CD226: variants seen among roughly 807,000 people sequenced by gnomAD.
The protein encoded by CD226 is CD226 molecule.
Under a neutral mutation model 34.9 loss-of-function variants are expected in CD226, and 24 were observed. That is an observed-to-expected ratio of 0.69 (90% confidence interval 0.50 to 0.97). The LOEUF is 0.97. Ranked by LOEUF, CD226 falls within the 50% of genes least tolerant of loss-of-function variation. CD226 has a pLI of 0.00. For synonymous variants in CD226, 148 were observed against 147.4 expected, an observed-to-expected ratio of 1.00 and a Z score of -0.03; for missense variants, 397 against 412.7, an observed-to-expected ratio of 0.96 and a Z score of 0.33.
chr18:69,895,409 C>A (rs1470004574), intron 3 of CD226, among the ~76,000 whole-genome samples: 1 of 152,112 alleles, frequency 6.6e-6, no homozygotes, highest in Non-Finnish European at 1.5e-5. Flanking sequence ...AACCTGAAGG[C>A]TGGTAATACC....
chr18:69,905,956 A>G (rs2055247887), intron 2 of CD226, among the ~76,000 whole-genome samples: 1 of 152,234 alleles, frequency 6.6e-6, no homozygotes. Context: ...TAGGACTCCA[A>G]ACTTAAGCTG....
chr18:69,891,834 A>G (rs1488300720), intron 3 of CD226, among the ~76,000 whole-genome samples: 1 of 152,230 alleles, frequency 6.6e-6, no homozygotes, highest in Non-Finnish European at 1.5e-5. Context: ...TTCTTTCATG[A>G]TTATTGTTTT....
chr18:69,903,088 G>A (rs897634983), intron 2 of CD226, among the ~76,000 whole-genome samples: 1 of 152,184 alleles, frequency 6.6e-6, no homozygotes, highest in Non-Finnish European at 1.5e-5. Flanking sequence ...AGTCCAGAAA[G>A]TGGAAAAATG....
At position 69,873,255 on chromosome 18, in the gene CD226, G is replaced by GA. The variant is rs760517403; in HGVS notation, c.728-10dup. On this transcript the variant is annotated splice_polypyrimidine_tract_variant and intron_variant, in intron 3 of 5. Transcript: ENST00000582621. The stretch of plus-strand genomic sequence containing the variant: ...TTGGTTATCGGTTTTACCTAGGAGA[G>GA]AAAAAAAATATTGTAGGAATTAGGA... 53 of 1,417,138 alleles carry GA rather than the reference G, an allele frequency of 3.7e-5. No homozygotes were observed. Among genetic ancestry groups the GA allele is most frequent in the Admixed American group, 9.2e-5 (5 of 54,080 alleles). The allele number at this position is 1,417,138 out of a possible 1,614,324, so 87.8% of individuals were successfully genotyped here.
At chr18:69,936,501 C>T (rs1387726596) in intron 2 of CD226, among the ~76,000 whole-genome samples, 2 of 152,130 alleles carry the variant, frequency 1.3e-5, no homozygotes, top group Non-Finnish European at 2.9e-5. Context: ...TATTTCATTA[C>T]GGAGTGAGAT....
intron 2 of CD226, among the ~76,000 whole-genome samples, chr18:69,944,833 C>T (rs1011265013): frequency 1.3e-5 from 2 of 152,184 alleles, no homozygotes; most frequent in Non-Finnish European, 2.9e-5. Context: ...GAAACAGAGT[C>T]TTTAATAAAT....
At chr18:69,892,602 G>A (rs958602981) in intron 3 of CD226, among the ~76,000 whole-genome samples, 7 of 152,196 alleles carry the variant, frequency 4.6e-5, no homozygotes, top group Non-Finnish European at 1.0e-4. Flanking sequence ...TGTGAGTTCA[G>A]TTCTTGCTTC....
chr18:69,870,272 C>G (rs1375746843), intron 4 of CD226, among the ~76,000 whole-genome samples: 2 of 124,102 alleles, frequency 1.6e-5, no homozygotes, highest in South Asian at 2.8e-4. Flanking sequence ...TTGGCTCCCC[C>G]TTTTTTTTTT....
chr18:69,867,436 T>C, intron 4 of CD226, 25 bp from the exon 5 acceptor site: 2 of 1,405,332 alleles, frequency 1.4e-6, no homozygotes, highest in Non-Finnish European at 2.0e-6. Context: ...CAATAAAGGA[T>C]ATAAAGATAT....
At chr18:69,943,825 A>G (rs954169466) in intron 2 of CD226, among the ~76,000 whole-genome samples, 15 of 152,230 alleles carry the variant, frequency 9.9e-5, no homozygotes, top group African/African-American at 3.6e-4. Context: ...AAGTCTATGA[A>G]GATCCAGACT....
chr18:69,949,191 C>A (rs2055825785), upstream of CD226, among the ~76,000 whole-genome samples: 1 of 152,138 alleles, frequency 6.6e-6, no homozygotes, highest in Admixed American at 6.5e-5. Flanking sequence ...GTAACTCCAG[C>A]ACCCAGCACA....
chr18:69,913,951 A>G (rs1217896791), intron 2 of CD226, among the ~76,000 whole-genome samples: 1 of 152,232 alleles, frequency 6.6e-6, no homozygotes, highest in Non-Finnish European at 1.5e-5. Flanking sequence ...CGACTTCTCT[A>G]TCATTCTATT....
chr18:69,903,126 G>C (rs537760969), intron 2 of CD226, among the ~76,000 whole-genome samples: 10 of 152,324 alleles, frequency 6.6e-5, no homozygotes, highest in African/African-American at 2.4e-4. Context: ...AGGGCATGCA[G>C]TGTGGGAGGA....
intron 2 of CD226, among the ~76,000 whole-genome samples, chr18:69,928,374 G>A (rs927842231): frequency 2.0e-5 from 3 of 152,140 alleles, no homozygotes; most frequent in African/African-American, 7.2e-5. Context: ...CATGAAGAGG[G>A]AAATGGGATG....
chr18:69,878,861 C>A (rs573569423), intron 3 of CD226, among the ~76,000 whole-genome samples: 51 of 152,232 alleles, frequency 3.4e-4, no homozygotes, highest in African/African-American at 6.0e-4. Context: ...ATCGGGGGAA[C>A]CTGCCCCTGA....
rs961654169 is a variant in CD226 at position 69,856,119 on chromosome 18, G to C, written c.*8195C>G. ...TAAAATTAAAAGGATAAAGATGTGAGATGCTAATGTTAATTTTTTAAAAAA... is the reference window on the plus strand; with the variant it reads ...TAAAATTAAAAGGATAAAGATGTGACATGCTAATGTTAATTTTTTAAAAAA... On this transcript the variant is annotated 3_prime_UTR_variant, in exon 6 of 6. Transcript: ENST00000582621. 1.3e-5 allele frequency: 2 copies of C among 152,042 alleles called. No homozygotes were observed. Among genetic ancestry groups the C allele is most frequent in the Admixed American group, 6.5e-5 (1 of 15,270 alleles). The allele number at this position is 152,042 out of a possible 1,614,324, so 9.4% of individuals were successfully genotyped here.
intron 2 of CD226, among the ~76,000 whole-genome samples, chr18:69,901,602 C>T (rs779243839): frequency 1.3e-4 from 20 of 148,970 alleles, no homozygotes; most frequent in Middle Eastern, 3.5e-3. Flanking sequence ...TATTTGTGCC[C>T]GGGCACAGTG....
chr18:69,855,371 A>G lies in CD226; in HGVS notation c.*8943T>C, dbSNP rs1982581600. ...AAAAACATAGTAATAGAAAGGAAGGATATCTTTGATGCAATTATCAGTTGA... is the reference window on the plus strand; with the variant it reads ...AAAAACATAGTAATAGAAAGGAAGGGTATCTTTGATGCAATTATCAGTTGA... On this transcript the variant is annotated 3_prime_UTR_variant, in exon 6 of 6. Transcript: ENST00000582621. 6.6e-6 allele frequency: 1 copy of G among 152,202 alleles called. No homozygotes were observed. The highest frequency in any genetic ancestry group is 1.5e-5 in the Non-Finnish European group (1 of 68,024). The allele number at this position is 152,202 out of a possible 1,614,324, so 9.4% of individuals were successfully genotyped here.
chr18:69,898,971 A>G (rs1985457741), intron 2 of CD226, among the ~76,000 whole-genome samples: 1 of 152,274 alleles, frequency 6.6e-6, no homozygotes, highest in African/African-American at 2.4e-5. Context: ...TAAAACAAAT[A>G]CAAATAATGA....
Sources: allele counts gnomAD v4.1 joint callset (sites outside exome capture counted in the v4.1 genomes callset), GRCh38; gene constraint gnomAD v4.1.1; transcripts MANE v1.5; gene names NCBI Gene and HGNC (gene_info 2026-07-23, HGNC 2026-07-21).